Variants in ST3GAL1 observed in about 807,000 individuals in gnomAD.
ST3GAL1 encodes the protein CMP-N-acetylneuraminate-beta-galactosamide-alpha-2,3-sialyltransferase 1.
A neutral mutation model predicts 34.1 loss-of-function variants in ST3GAL1; 16 were observed. That is an observed-to-expected ratio of 0.47 (90% CI 0.32 to 0.71). The LOEUF is 0.71. ST3GAL1 is among the 30% of genes least tolerant of loss of function. ST3GAL1 has a pLI of 0.04. For missense variants in ST3GAL1, 353 were observed against 447.4 expected, an observed-to-expected ratio of 0.79 and a Z score of 1.90; for synonymous variants, 191 against 184.7, an observed-to-expected ratio of 1.03 and a Z score of -0.28.
chr8:133,564,150 C>A (rs1012998244), intron 1 of ST3GAL1, among the ~76,000 whole-genome samples: 6 of 152,182 alleles, frequency 3.9e-5, no homozygotes, highest in African/African-American at 1.4e-4. Flanking sequence ...CATCTGACTT[C>A]CTGAGAAATC....
rs941131523 is a variant in ST3GAL1, at chr8:133,508,072, G to T, written c.-428-8883C>A. On this transcript the variant is annotated intron_variant, in intron 2 of 9. Transcript: ENST00000522652. The surrounding 1 kb of genome is among the most constrained non-coding windows in gnomAD (Gnocchi z 4.1). ...GACAGAGGGACATGGGGTTACACAG[G>T]GTTGGCCTCCTTTACCTTTTCCTTC... is the stretch of plus-strand genomic sequence containing the variant. 6.6e-6 allele frequency among the ~76,000 whole-genome samples: 1 copy of T among 152,006 alleles called. No individual in the cohort carries two copies. The highest frequency in any genetic ancestry group is 2.4e-5 in the African/African-American group (1 of 41,418).
rs369096848 is a variant in ST3GAL1, at chr8:133,464,803, C to T, written c.658G>A (p.Ala220Thr). The change falls in exon 7 of 10, where the codon GCC (alanine) becomes ACC (threonine). Residue 220 changes from alanine to threonine, a missense_variant. Transcript: ENST00000522652. Reference protein sequence around the residue: ...KTIDLEWVVSAITTGTISHTY... With the variant: ...KTIDLEWVVSTITTGTISHTY... ...TGGGAAATGGTGCCCGTGGTGATGGCGCTCACCACCCACTCCAAGTCGATG... is the reference window on the plus strand; with the variant it reads ...TGGGAAATGGTGCCCGTGGTGATGGTGCTCACCACCCACTCCAAGTCGATG... 22 of 1,613,114 alleles carry T rather than the reference C, an allele frequency of 1.4e-5. No homozygotes were observed. The highest frequency in any genetic ancestry group is 5.3e-5 in the African/African-American group (4 of 74,844).
intron 3 of ST3GAL1, among the ~76,000 whole-genome samples, chr8:133,489,149 G>T (rs1239183861): frequency 1.3e-5 from 2 of 152,106 alleles, no homozygotes; most frequent in Admixed American, 6.5e-5. Flanking sequence ...CCAGCCCCAG[G>T]GACTGCACCA....
chr8:133,464,718 G>T, intron 7 of ST3GAL1, 60 bp downstream of exon 7: 3 of 1,545,522 alleles, frequency 1.9e-6, no homozygotes, highest in East Asian at 2.3e-5. Flanking sequence ...GGCAGGGTGG[G>T]GGGACAGGGT....
At chr8:133,479,089 C>T (rs1034907183) in intron 3 of ST3GAL1, among the ~76,000 whole-genome samples, 9 of 152,194 alleles carry the variant, frequency 5.9e-5, no homozygotes, top group African/African-American at 1.9e-4. Flanking sequence ...ATGGGAAAAA[C>T]GGATTGATAA....
chr8:133,552,706 T>C (rs1818897098), intron 1 of ST3GAL1, among the ~76,000 whole-genome samples: 1 of 152,160 alleles, frequency 6.6e-6, no homozygotes, highest in Non-Finnish European at 1.5e-5. Context: ...TTATAACCTC[T>C]CTCTCTGAAA....
intron 3 of ST3GAL1, among the ~76,000 whole-genome samples, chr8:133,481,530 C>CT (rs1227687007): frequency 2.0e-5 from 3 of 152,114 alleles, no homozygotes; most frequent in Non-Finnish European, 4.4e-5. Context: ...GAGTCTTACT[C>CT]TGTCGCCCAG....
chr8:133,526,716 C>G (rs1364405961), intron 2 of ST3GAL1, among the ~76,000 whole-genome samples: 1 of 152,102 alleles, frequency 6.6e-6, no homozygotes, highest in African/African-American at 2.4e-5. Flanking sequence ...CCTGGATGGA[C>G]CTAGAATGTT....
chr8:133,485,336 C>G (rs1249203191), intron 3 of ST3GAL1, among the ~76,000 whole-genome samples: 5 of 152,236 alleles, frequency 3.3e-5, no homozygotes, highest in Non-Finnish European at 7.3e-5. Flanking sequence ...GCCCCAGAAT[C>G]TGGACTCCAG....
intron 3 of ST3GAL1, chr8:133,487,979 AG>A: frequency 6.6e-6 from 1 of 151,044 alleles, no homozygotes; most frequent in East Asian, 1.9e-4. Flanking sequence ...AAAAAAAAAA[AG>A]GAGAGAGAAA....
rs566087884 is a variant in ST3GAL1, at chr8:133,520,329, T to G, written c.-428-21140A>C. ...GCTTGGTATATATTCCGTGGTGAAT[T>G]CCATCTTGCTGGAGGCAGCCCCCTC... On this transcript the variant is annotated intron_variant, in intron 2 of 9. Transcript: ENST00000522652. Among the ~76,000 whole-genome samples the G allele has an allele frequency of 2.0e-5, 3 of 152,324 alleles. No homozygotes were observed. In the South Asian group the frequency reaches 6.2e-4, roughly 32 times the overall value.
chr8:133,550,547 C>G (rs1335659168), intron 1 of ST3GAL1, among the ~76,000 whole-genome samples: 1 of 152,172 alleles, frequency 6.6e-6, no homozygotes, highest in East Asian at 1.9e-4. Flanking sequence ...TTCCTAATAC[C>G]AGGCGAATTA....
intron 2 of ST3GAL1, among the ~76,000 whole-genome samples, chr8:133,545,195 G>C (rs1046061933): frequency 1.3e-5 from 2 of 152,266 alleles, no homozygotes; most frequent in Non-Finnish European, 2.9e-5. Context: ...ACCAGAGGTT[G>C]CAACACCTTT....
At chr8:133,540,250 C>G (rs1439119992) in intron 2 of ST3GAL1, among the ~76,000 whole-genome samples, 1 of 152,172 alleles carries the variant, frequency 6.6e-6, no homozygotes, top group Non-Finnish European at 1.5e-5. Context: ...GCCACTGCTG[C>G]TCTTAAAGGT....
intron 1 of ST3GAL1, among the ~76,000 whole-genome samples, chr8:133,558,876 C>T (rs143310524): frequency 7.8e-4 from 118 of 152,240 alleles, no homozygotes; most frequent in Non-Finnish European, 1.4e-3. Context: ...GAGAAGAATA[C>T]GGATTCCCGG....
chr8:133,541,738 T>C (rs1002989939), intron 2 of ST3GAL1, among the ~76,000 whole-genome samples: 1 of 152,208 alleles, frequency 6.6e-6, no homozygotes, highest in African/African-American at 2.4e-5. Flanking sequence ...AGCTTGCTGC[T>C]TTACCAGCTG....
In ST3GAL1 at chr8:133,467,563, C is replaced by T. The variant is rs1027140097; in HGVS notation, c.307-1473G>A. Among the ~76,000 whole-genome samples the T allele has an allele frequency of 1.3e-5, 2 of 152,214 alleles. No homozygotes were observed. The highest frequency in any genetic ancestry group is 2.9e-5 in the Non-Finnish European group (2 of 68,034). ...ACCCACCAGCAGGTTTCTCCCACCA[C>T]ACAACCCTAACTCTGGCTCTTGGAA... On this transcript the variant is annotated intron_variant, in intron 5 of 9. Coordinates refer to ENST00000522652, the MANE Select transcript of ST3GAL1 (RefSeq NM_173344.3). The surrounding 1 kb of genome is among the most constrained non-coding windows in gnomAD (Gnocchi z 4.2).
rs541677579 is a variant in ST3GAL1 at position 133,570,486 on chromosome 8, G to A, written c.-582+1207C>T. The A allele has an allele frequency of 6.6e-6, 1 of 151,996 alleles. No individual in the cohort carries two copies. The highest frequency in any genetic ancestry group is 1.9e-4 in the East Asian group (1 of 5,142). 9.4% of individuals were successfully genotyped at this position (151,996 alleles called of 1,614,324 possible). ...CTCGCCCAACACACCACCGAGCCCC[G>A]CGCATGGTACGGCCGCCGAGGACCC... On this transcript the variant is annotated intron_variant, in intron 1 of 9. Coordinates refer to ENST00000522652, the MANE Select transcript of ST3GAL1 (RefSeq NM_173344.3). The surrounding 1 kb of genome is among the most constrained non-coding windows in gnomAD (Gnocchi z 5.6).
chr8:133,551,236 G>A (rs1360010908), intron 1 of ST3GAL1, among the ~76,000 whole-genome samples: 1 of 152,116 alleles, frequency 6.6e-6, no homozygotes, highest in Non-Finnish European at 1.5e-5. Flanking sequence ...TTGGGAGACC[G>A]AGGCAGGTGG....
Sources: gnomAD v4.1 joint callset for allele counts (sites outside exome capture counted in the v4.1 genomes callset) on GRCh38, gnomAD v4.1.1 for gene constraint, Gnocchi (gnomAD v3.1) non-coding constraint, MANE v1.5 for transcripts, NCBI Gene and HGNC (gene_info 2026-07-23, HGNC 2026-07-21) for gene names.